Variants in LTB4R observed in about 807,000 individuals in gnomAD.
The protein encoded by LTB4R is leukotriene B4 receptor 1.
For synonymous variants in LTB4R, 250 were observed against 230.7 expected (o/e 1.08, Z -0.76); for missense variants, 470 against 485.6 (o/e 0.97, Z 0.30).
Position 24,315,683 on chromosome 14 carries a change from C to T in LTB4R, c.32C>T (p.Ser11Leu), listed in dbSNP as rs751079275. Residue 11 changes from serine to leucine, a missense_variant, in exon 2 of 2, where the codon TCA (serine) becomes TTA (leucine). Ser to Leu is a moderately radical substitution (Grantham distance 145). Transcript: ENST00000345363. The part of the protein sequence containing the change: MNTTSSAAPP[S>L]LGVEFISLLA... ...ACTACATCTTCTGCAGCACCCCCCT[C>T]ACTAGGTGTAGAGTTCATCTCTCTG... 1.5e-5 allele frequency: 25 copies of T among 1,613,988 alleles called. No individual in the cohort carries two copies. Among genetic ancestry groups the T allele is most frequent in the Non-Finnish European group, 2.5e-6 (3 of 1,179,998 alleles).
intron 1 of LTB4R, among the ~76,000 whole-genome samples, chr14:24,312,308 G>A (rs1463335219): frequency 6.6e-6 from 1 of 152,260 alleles, no homozygotes; most frequent in Non-Finnish European, 1.5e-5. Context: ...AGCCTCTGAG[G>A]AGGAAATGGC....
intron 1 of LTB4R, among the ~76,000 whole-genome samples, chr14:24,312,586 AG>A (rs1255602514): frequency 6.6e-6 from 1 of 152,218 alleles, no homozygotes; most frequent in Non-Finnish European, 1.5e-5. Context: ...TTTAGAGGAC[AG>A]GAATAATTTT....
At chr14:24,312,669 C>A (rs1306477851) in intron 1 of LTB4R, among the ~76,000 whole-genome samples, 3 of 152,192 alleles carry the variant, frequency 2.0e-5, no homozygotes, top group Non-Finnish European at 2.9e-5. Context: ...CTAGCTATTC[C>A]TAGCCCGTTC....
Position 24,317,967 on chromosome 14 carries a change from T to C in LTB4R, c.*1257T>C, listed in dbSNP as rs1024363399. 2 of 188,170 alleles carry C rather than the reference T, an allele frequency of 1.1e-5. No individual in the cohort carries two copies. Among genetic ancestry groups the C allele is most frequent in the Admixed American group, 5.5e-5 (1 of 18,208 alleles). 11.7% of individuals were successfully genotyped at this position (188,170 alleles called of 1,614,324 possible). A position where few individuals can be genotyped will look rare whatever the true frequency, so the allele number is the denominator to read the frequency against. ...TCCCAGTCCTCTCGCCCATTCTGTATGGTGAGCACATAATAGGTACTTATT... is the reference window on the plus strand; with the variant it reads ...TCCCAGTCCTCTCGCCCATTCTGTACGGTGAGCACATAATAGGTACTTATT... On this transcript the variant is annotated 3_prime_UTR_variant, in exon 2 of 2. Transcript: ENST00000345363.
At position 24,316,534 on chromosome 14, in the gene LTB4R, T is replaced by G. The variant is rs758961667; in HGVS notation, c.883T>G (p.Ser295Ala). The G allele has an allele frequency of 5.7e-5, 82 of 1,450,254 alleles. No individual in the cohort carries two copies. Among genetic ancestry groups the G allele is most frequent in the Non-Finnish European group, 6.8e-5 (75 of 1,109,034 alleles). 89.8% of individuals were successfully genotyped at this position (1,450,254 alleles called of 1,614,324 possible). The part of the protein sequence containing the change: ...YACAGGGLLR[S>A]AGVGFVAKLL... ...GTGCGCCGGCGGCGGCCTGCTGCGCTCGGCGGGCGTGGGCTTCGTCGCCAA... is the reference window on the plus strand; with the variant it reads ...GTGCGCCGGCGGCGGCCTGCTGCGCGCGGCGGGCGTGGGCTTCGTCGCCAA... Residue 295 changes from serine to alanine, a missense_variant, in exon 2 of 2, where the codon TCG becomes GCG. Coordinates refer to ENST00000345363, the MANE Select transcript of LTB4R (RefSeq NM_001143919.3).
Position 24,316,738 on chromosome 14 carries a change from C to T in LTB4R, c.*28C>T, listed in dbSNP as rs542278468. 65 of 1,481,168 alleles carry T rather than the reference C, an allele frequency of 4.4e-5. No homozygotes were observed. The South Asian group carries it at 8.1e-4, about 19-fold the overall frequency. 91.8% of individuals were successfully genotyped at this position (1,481,168 alleles called of 1,614,324 possible). ...CTGGTGGAAGGAGGCGCACTTTCCTCCTGGCAGAATGCTAGCTCTGAGCCA... is the reference window on the plus strand; with the variant it reads ...CTGGTGGAAGGAGGCGCACTTTCCTTCTGGCAGAATGCTAGCTCTGAGCCA... On this transcript the variant is annotated 3_prime_UTR_variant, in exon 2 of 2. Transcript: ENST00000345363.
At position 24,316,714 on chromosome 14, in the gene LTB4R, T is replaced by A. The variant is rs1299258293; in HGVS notation, c.*4T>A. The A allele has an allele frequency of 1.3e-6, 2 of 1,515,806 alleles. No individual in the cohort carries two copies. Among genetic ancestry groups the A allele is most frequent in the East Asian group, 5.4e-5 (2 of 37,120 alleles). The allele number at this position is 1,515,806 out of a possible 1,614,324, so 93.9% of individuals were successfully genotyped here. On this transcript the variant is annotated 3_prime_UTR_variant, in exon 2 of 2. Coordinates refer to ENST00000345363, the MANE Select transcript of LTB4R (RefSeq NM_001143919.3). ...CAAGTTAAACGAACTGAACTAGGCC[T>A]GGTGGAAGGAGGCGCACTTTCCTCC...
rs763561774 is a variant in LTB4R, at chr14:24,317,868, A to G, written c.*1158A>G. 5.7e-6 allele frequency: 1 copy of G among 176,414 alleles called. No individual in the cohort carries two copies. Among genetic ancestry groups the G allele is most frequent in the Non-Finnish European group, 1.4e-5 (1 of 72,968 alleles). 10.9% of individuals were successfully genotyped at this position (176,414 alleles called of 1,614,324 possible). A position where few individuals can be genotyped will look rare whatever the true frequency, so the allele number is the denominator to read the frequency against. On this transcript the variant is annotated 3_prime_UTR_variant, in exon 2 of 2. Transcript: ENST00000345363. The stretch of plus-strand genomic sequence containing the variant: ...AAGAGGAGATCCCCAAGCTGTCTAC[A>G]GATCCTTACTGGAAGGTATGGTGCA...
rs749157166 is a variant in LTB4R, at chr14:24,315,981, C to G, written c.330C>G (p.Ala110=). The G allele has an allele frequency of 6.2e-7, 1 of 1,614,070 alleles. No individual in the cohort carries two copies. Among genetic ancestry groups the G allele is most frequent in the South Asian group, 1.1e-5 (1 of 91,092 alleles). The stretch of plus-strand genomic sequence containing the variant: ...ACGCCAGCGTCCTGCTTATCACGGC[C>G]ATGAGTCTAGACCGCTCACTGGCGG... ...SMYASVLLIT[A]MSLDRSLAVA... The change falls in exon 2 of 2, where the codon GCC becomes GCG. Residue 110 remains alanine (A), a synonymous_variant. Transcript: ENST00000345363.
Position 24,316,147 on chromosome 14 carries a change from A to G in LTB4R, c.496A>G (p.Ser166Gly). The change falls in exon 2 of 2, where the codon AGC (serine) becomes GGC (glycine). Residue 166 changes from serine (S) to glycine (G), a missense_variant. Physicochemically the swap from Ser to Gly is moderately conservative, Grantham distance 56. Coordinates refer to ENST00000345363, the MANE Select transcript of LTB4R (RefSeq NM_001143919.3). ...RTVVPWKTNM[S>G]LCFPRYPSEG... ...AGTAGTGCCCTGGAAAACGAACATG[A>G]GCCTGTGCTTCCCGCGGTACCCCAG... 6.2e-7 allele frequency: 1 copy of G among 1,613,908 alleles called. No homozygotes were observed. The highest frequency in any genetic ancestry group is 8.5e-7 in the Non-Finnish European group (1 of 1,180,030).
chr14:24,316,215 G>A lies in LTB4R; in HGVS notation c.564G>A (p.Thr188=), dbSNP rs2041768803. 6 of 1,613,636 alleles carry A rather than the reference G, an allele frequency of 3.7e-6. No individual in the cohort carries two copies. In the East Asian group the frequency reaches 8.9e-5, roughly 24 times the overall value. The change falls in exon 2 of 2, where the codon ACG becomes ACA. Residue 188 remains threonine (T), a synonymous_variant. Transcript: ENST00000345363. Reference sequence around the variant, plus strand: ...TCCATCTAATCTTCGAGGCTGTCACGGGCTTCCTGCTGCCCTTCCTGGCTG... The same window carrying A: ...TCCATCTAATCTTCGAGGCTGTCACAGGCTTCCTGCTGCCCTTCCTGGCTG... The part of the protein sequence containing the change: ...RAFHLIFEAV[T]GFLLPFLAVV...
rs1306517533 is a variant in LTB4R, at chr14:24,315,978, G to C, written c.327G>C (p.Thr109=). The change falls in exon 2 of 2, where the codon ACG becomes ACC. Residue 109 remains threonine, a synonymous_variant. Transcript: ENST00000345363. ...VSMYASVLLI[T]AMSLDRSLAV... is the part of the protein sequence containing the mutation. ...TGTACGCCAGCGTCCTGCTTATCAC[G>C]GCCATGAGTCTAGACCGCTCACTGG... 5 of 1,614,010 alleles carry C rather than the reference G, an allele frequency of 3.1e-6. No individual in the cohort carries two copies. The highest frequency in any genetic ancestry group is 2.2e-5 in the East Asian group (1 of 44,888).
In LTB4R at chr14:24,311,538, G is replaced by T. The variant is rs764332206; in HGVS notation, c.-282G>T. On this transcript the variant is annotated 5_prime_UTR_variant, in exon 1 of 2. Transcript: ENST00000345363. Reference sequence around the variant, plus strand: ...CAACCCGGTGCTCTACGTCTTCACCGCTGGAGATCTGCTGCCCCGGGCAGG... The same window carrying T: ...CAACCCGGTGCTCTACGTCTTCACCTCTGGAGATCTGCTGCCCCGGGCAGG... 2.5e-6 allele frequency: 4 copies of T among 1,605,752 alleles called. No homozygotes were observed. The highest frequency in any genetic ancestry group is 3.4e-6 in the Non-Finnish European group (4 of 1,180,002).
intron 1 of LTB4R, among the ~76,000 whole-genome samples, chr14:24,312,426 T>A (rs1357194974): frequency 2.6e-5 from 4 of 152,200 alleles, no homozygotes; most frequent in Non-Finnish European, 5.9e-5. Context: ...GACAGTGGTG[T>A]AGGGGCCCTG....
rs766290486 is a variant in LTB4R at position 24,316,353 on chromosome 14, G to T, written c.702G>T (p.Trp234Cys). Residue 234 changes from tryptophan to cysteine, a missense_variant, in exon 2 of 2, where the codon TGG (tryptophan) becomes TGT (cysteine). Trp to Cys is a radical substitution (Grantham distance 215). Coordinates refer to ENST00000345363, the MANE Select transcript of LTB4R (RefSeq NM_001143919.3). ...VLIILTFAAFWLPYHVVNLAE... is the reference protein window; with the variant it reads ...VLIILTFAAFCLPYHVVNLAE... ...TCATCCTGACCTTCGCCGCCTTCTGGCTGCCCTACCACGTGGTGAACCTGG... is the reference window on the plus strand; with the variant it reads ...TCATCCTGACCTTCGCCGCCTTCTGTCTGCCCTACCACGTGGTGAACCTGG... The T allele has an allele frequency of 1.3e-6, 2 of 1,596,226 alleles. No individual in the cohort carries two copies. Among genetic ancestry groups the T allele is most frequent in the Non-Finnish European group, 1.7e-6 (2 of 1,174,566 alleles).
In LTB4R at chr14:24,316,857, G is replaced by T; in HGVS notation, c.*147G>T. The T allele has an allele frequency of 1.7e-6, 1 of 595,540 alleles. No individual in the cohort carries two copies. Among genetic ancestry groups the T allele is most frequent in the African/African-American group, 2.0e-5 (1 of 50,918 alleles). 36.9% of individuals were successfully genotyped at this position (595,540 alleles called of 1,614,324 possible). A position where few individuals can be genotyped will look rare whatever the true frequency, so the allele number is the denominator to read the frequency against. The stretch of plus-strand genomic sequence containing the variant: ...TGGAGTGGAAGAAGAGGGAGAGGTG[G>T]AGCAAAGTGAGGGCCGAGTGAGAGC... On this transcript the variant is annotated 3_prime_UTR_variant, in exon 2 of 2. Transcript: ENST00000345363.
chr14:24,312,938 C>G (rs992057931), intron 1 of LTB4R, among the ~76,000 whole-genome samples: 1 of 152,194 alleles, frequency 6.6e-6, no homozygotes, highest in African/African-American at 2.4e-5. Context: ...AGTGGCTACC[C>G]TGACCATCAC....
intron 1 of LTB4R, chr14:24,313,581 CTTTTTTTT>C (rs5807251): frequency 0.93 from 128,541 of 138,574 alleles, 59,604 homozygotes; most frequent in Non-Finnish European, 0.96. Context: ...TTTTTAGTTT[CTTTTTTTT>C]TTTTTTTTTT....
Position 24,316,644 on chromosome 14 carries a change from T to G in LTB4R, c.993T>G (p.Ala331=). 6.5e-7 allele frequency: 1 copy of G among 1,533,194 alleles called. No individual in the cohort carries two copies. Among genetic ancestry groups the G allele is most frequent in the Non-Finnish European group, 8.8e-7 (1 of 1,141,292 alleles). The allele number at this position is 1,533,194 out of a possible 1,614,324, so 95.0% of individuals were successfully genotyped here. A position where few individuals can be genotyped will look rare whatever the true frequency, so the allele number is the denominator to read the frequency against. ...LGQTARSGPA[A]LEPGPSESLT... ...AGACCGCTAGGAGCGGCCCCGCCGC[T>G]CTGGAGCCCGGCCCTTCCGAGAGCC... The change falls in exon 2 of 2, where the codon GCT becomes GCG. Residue 331 remains alanine, a synonymous_variant. Transcript: ENST00000345363.
Sources: gnomAD v4.1 joint callset for allele counts (sites outside exome capture counted in the v4.1 genomes callset) on GRCh38, gnomAD v4.1.1 for gene constraint, MANE v1.5 for transcripts, NCBI Gene and HGNC (gene_info 2026-07-23, HGNC 2026-07-21) for gene names.